The following PTPRB variants were observed in gnomAD, a reference collection of about 807,000 sequenced individuals.
The protein encoded by PTPRB is protein tyrosine phosphatase receptor type B, also known as receptor-type tyrosine-protein phosphatase beta.
Under a neutral mutation model 238.1 loss-of-function variants are expected in PTPRB, and 97 were observed. That is an observed-to-expected ratio of 0.41 (90% CI 0.35 to 0.48). The LOEUF is 0.48. Ranked by LOEUF, PTPRB falls within the 20% of genes least tolerant of loss-of-function variation. PTPRB has a pLI of 0.30. For missense variants in PTPRB, 2,292 were observed against 2,681.9 expected, an observed-to-expected ratio of 0.85 and a Z score of 3.21; for synonymous variants, 970 against 995.4, an observed-to-expected ratio of 0.97 and a Z score of 0.48.
Position 70,538,962 on chromosome 12 carries a change from T to C in PTPRB, c.5831A>G (p.Glu1944Gly). ...NQSCDIALLP[E>G]NRGKNRYNNI... is the part of the protein sequence containing the mutation. The stretch of plus-strand genomic sequence containing the variant: ...GTTGTATCGATTTTTCCCTCTATTC[T>C]CCGGCAAGAGTGCAATGTCACATGA... Residue 1944 changes from glutamate to glycine, a missense_variant, in exon 27 of 34, where the codon GAG (glutamate) becomes GGG (glycine). Glu to Gly is a moderately conservative substitution (Grantham distance 98, BLOSUM62 -2). Coordinates refer to ENST00000334414, the MANE Select transcript of PTPRB (RefSeq NM_001109754.4). The C allele has an allele frequency of 6.2e-7, 1 of 1,613,794 alleles. No homozygotes were observed.
intron 15 of PTPRB, among the ~76,000 whole-genome samples, chr12:70,565,076 C>G (rs529084043): frequency 6.6e-6 from 1 of 151,950 alleles, no homozygotes; most frequent in African/African-American, 2.4e-5. Flanking sequence ...TTCTGTATAT[C>G]CAGCAGTTAG....
rs724159878 is a variant in PTPRB at position 70,559,383 on chromosome 12, C to T, written c.4674G>A (p.Trp1558Ter). 6.2e-7 allele frequency: 1 copy of T among 1,613,862 alleles called. No homozygotes were observed. The highest frequency in any genetic ancestry group is 8.5e-7 in the Non-Finnish European group (1 of 1,179,794). The change falls in exon 18 of 34, where the codon TGG (tryptophan) becomes TGA (stop). Residue 1558 changes from tryptophan (W) to a stop codon, truncating the protein, a stop_gained. Transcript: ENST00000334414. LOFTEE classifies it high-confidence loss of function. ...CAAAAATTGGTTTGCTGTAAGTTTT[C>T]CAGGAATCACCACTGACAGTCTTGA... The part of the protein sequence containing the change: ...FNVKTVSGDS[W>*]KTYSKPIFGS...
At chr12:70,628,886 G>A (rs1396412965) in intron 2 of PTPRB, among the ~76,000 whole-genome samples, 4 of 151,942 alleles carry the variant, frequency 2.6e-5, no homozygotes, top group Non-Finnish European at 5.9e-5. Flanking sequence ...TTGATTGCTT[G>A]GTGAGTTTAA....
chr12:70,534,455 T>C (rs1873776316), intron 31 of PTPRB, 33 bp downstream of exon 31: 1 of 1,604,700 alleles, frequency 6.2e-7, no homozygotes. Flanking sequence ...CCCTTATGGC[T>C]GCCATTTTAT....
chr12:70,563,456 C>CA (rs1374488750), intron 15 of PTPRB, among the ~76,000 whole-genome samples: 1 of 152,172 alleles, frequency 6.6e-6, no homozygotes, highest in Non-Finnish European at 1.5e-5. Context: ...TCCTCCACCC[C>CA]AAATGCTCTT....
intron 4 of PTPRB, among the ~76,000 whole-genome samples, chr12:70,602,696 T>G (rs1883614166): frequency 6.6e-6 from 1 of 152,164 alleles, no homozygotes; most frequent in African/African-American, 2.4e-5. Flanking sequence ...GAAACAAGGT[T>G]GGCCATAAAT....
intron 20 of PTPRB, among the ~76,000 whole-genome samples, chr12:70,553,287 A>G (rs1430884181): frequency 6.6e-6 from 1 of 152,224 alleles, no homozygotes; most frequent in East Asian, 1.9e-4. Context: ...AGGGTAGCTC[A>G]TTGCATTAAA....
chr12:70,546,884 ACTT>A (rs1366936573), intron 21 of PTPRB, among the ~76,000 whole-genome samples: 1 of 152,162 alleles, frequency 6.6e-6, no homozygotes, highest in Non-Finnish European at 1.5e-5. Context: ...GGCTTGGGTG[ACTT>A]CTTAAGTCCC....
At chr12:70,637,219 C>A (rs1885745567) in intron 1 of PTPRB, 122 bp downstream of exon 1, 2 of 818,084 alleles carry the variant, frequency 2.4e-6, no homozygotes, top group Non-Finnish European at 3.8e-6. Flanking sequence ...TTTTCATCGT[C>A]TTTGGCTAAA....
At chr12:70,544,989 G>A (rs985499401) in intron 21 of PTPRB, among the ~76,000 whole-genome samples, 1 of 152,210 alleles carries the variant, frequency 6.6e-6, no homozygotes, top group African/African-American at 2.4e-5. Context: ...GATGAGATGT[G>A]TGCTATGAAA....
At chr12:70,541,764 G>T (rs1248876248) in intron 22 of PTPRB, 2 of 152,116 alleles carry the variant, frequency 1.3e-5, no homozygotes, top group South Asian at 2.1e-4. Flanking sequence ...TGTTTTCAAG[G>T]TTCATCCATG....
chr12:70,533,289 A>G (rs992430643), intron 31 of PTPRB, among the ~76,000 whole-genome samples: 1 of 151,582 alleles, frequency 6.6e-6, no homozygotes, highest in Admixed American at 6.5e-5. Flanking sequence ...TCACCTTCCT[A>G]TTAAAAGTGT....
intron 2 of PTPRB, among the ~76,000 whole-genome samples, chr12:70,631,377 T>C (rs1885444239): frequency 1.3e-5 from 2 of 152,204 alleles, no homozygotes; most frequent in Admixed American, 1.3e-4. Context: ...GCTAGCCATA[T>C]GTAGAAAGCT....
At chr12:70,594,243 A>C (rs1421714325) in intron 6 of PTPRB, among the ~76,000 whole-genome samples, 2 of 152,236 alleles carry the variant, frequency 1.3e-5, no homozygotes, top group African/African-American at 4.8e-5. Flanking sequence ...GGTCCATATC[A>C]GTAATTAACT....
chr12:70,556,869 G>A (rs1376613704), intron 18 of PTPRB, among the ~76,000 whole-genome samples: 4 of 152,190 alleles, frequency 2.6e-5, no homozygotes, highest in Admixed American at 6.5e-5. Flanking sequence ...CTTCTTTCAC[G>A]TGTTGAGAGA....
At chr12:70,550,369 G>A (rs1876699216) in intron 21 of PTPRB, among the ~76,000 whole-genome samples, 2 of 152,200 alleles carry the variant, frequency 1.3e-5, no homozygotes, top group South Asian at 2.1e-4. Flanking sequence ...GAGCAAATAC[G>A]ATTGGAGACA....
intron 10 of PTPRB, among the ~76,000 whole-genome samples, chr12:70,579,653 T>G (rs1421950002): frequency 1.4e-5 from 2 of 139,684 alleles, no homozygotes; most frequent in Non-Finnish European, 3.0e-5. Context: ...GCCAAGATCG[T>G]GCCACTGCAC....
Position 70,524,478 on chromosome 12 carries a change from A to T in PTPRB, c.6618T>A (p.Tyr2206Ter). 1 of 1,608,466 alleles carries T rather than the reference A, an allele frequency of 6.2e-7. No homozygotes were observed. The highest frequency in any genetic ancestry group is 1.1e-5 in the South Asian group (1 of 89,960). ...AGTGAAGTAAGTGCCCACCTCTGTG[A>T]TACTCTGGATTCACATTTTCATAGA... The part of the protein sequence containing the change: ...FPIYENVNPE[Y>*]HRDPVYSRH The change falls in exon 33 of 34, where the codon TAT becomes TAA. Residue 2206 changes from tyrosine to a stop codon, truncating the protein, a stop_gained. Coordinates refer to ENST00000334414, the MANE Select transcript of PTPRB (RefSeq NM_001109754.4). LOFTEE classifies it high-confidence loss of function.
chr12:70,555,282 C>T lies in PTPRB; in HGVS notation c.5021G>A (p.Arg1674His), dbSNP rs112145681. ...AATTAGCACATCCTTTTCATTCACA[C>T]GAATGTGTGGGGGTGGAGGAGGGGG... ...DRPPPPPPHI[R>H]VNEKDVLISK... is the part of the protein sequence containing the mutation. Residue 1674 changes from arginine (R) to histidine (H), a missense_variant, in exon 20 of 34, where the codon CGT becomes CAT. Arg to His is a conservative substitution (Grantham distance 29). Around this residue, in one of 4 missense-constraint regions of PTPRB, gnomAD observed 683 missense variants for 862.0 expected, o/e 0.79. Transcript: ENST00000334414. 7.4e-4 allele frequency: 1,186 copies of T among 1,612,390 alleles called. 1 individual carries two copies. The highest frequency in any genetic ancestry group is 8.7e-4 in the Non-Finnish European group (1,021 of 1,179,602).
Sources: gnomAD v4.1 joint callset for allele counts (sites outside exome capture counted in the v4.1 genomes callset) on GRCh38, gnomAD v4.1.1 for gene constraint, gnomAD v4.1.1 regional missense constraint, MANE v1.5 for transcripts, NCBI Gene and HGNC (gene_info 2026-07-23, HGNC 2026-07-21) for gene names.